AUTS2: variants seen among roughly 807,000 people sequenced by gnomAD.
The protein encoded by AUTS2 is autism susceptibility gene 2 protein.
Under a neutral mutation model 112.4 loss-of-function variants are expected in AUTS2, and 17 were observed. The ratio of observed to expected loss-of-function variants is 0.15; its 90% CI spans 0.10 to 0.23. The LOEUF (loss-of-function observed/expected upper bound fraction) is 0.23, where lower values mean the gene tolerates loss of function less well. Ranked by LOEUF, AUTS2 falls within the 10% of genes least tolerant of loss-of-function variation. The pLI, the probability that AUTS2 is intolerant of heterozygous loss-of-function variation, is 1.00. For missense variants in AUTS2, 1,510 were observed against 1,701.6 expected (o/e 0.89, Z 1.98); for synonymous variants, 751 against 702.7 (o/e 1.07, Z -1.09).
chr7:69,624,428 G>A (rs1022330311), intron 1 of AUTS2, among the ~76,000 whole-genome samples: 1 of 152,120 alleles, frequency 6.6e-6, no homozygotes, highest in Admixed American at 6.5e-5. Flanking sequence ...TTAAAGCCCT[G>A]ATGGTTTTTC....
At chr7:69,957,928 C>T (rs1218966395) in intron 2 of AUTS2, among the ~76,000 whole-genome samples, 1 of 152,160 alleles carries the variant, frequency 6.6e-6, no homozygotes, top group East Asian at 1.9e-4. Flanking sequence ...AGCACCCTTT[C>T]AGCCCTTCAT....
At chr7:70,078,964 A>G (rs1184654915) in intron 2 of AUTS2, among the ~76,000 whole-genome samples, 6 of 152,186 alleles carry the variant, frequency 3.9e-5, no homozygotes, top group Non-Finnish European at 7.4e-5. Flanking sequence ...TCAAGACTAT[A>G]TCTTTGCTTT....
intron 5 of AUTS2, among the ~76,000 whole-genome samples, chr7:70,646,607 T>C (rs760574374): frequency 6.6e-6 from 1 of 152,222 alleles, no homozygotes; most frequent in Non-Finnish European, 1.5e-5. Context: ...GGGATTCTCT[T>C]TTTCTTTATG....
At chr7:70,172,095 G>A (rs58118515) in intron 4 of AUTS2, among the ~76,000 whole-genome samples, 7 of 152,002 alleles carry the variant, frequency 4.6e-5, no homozygotes, top group South Asian at 4.2e-4. Flanking sequence ...TCACTCTGTC[G>A]TTGCTTTTCC....
intron 6 of AUTS2, among the ~76,000 whole-genome samples, chr7:70,705,575 A>G (rs1321047169): frequency 1.3e-5 from 2 of 152,228 alleles, no homozygotes; most frequent in African/African-American, 2.4e-5. Context: ...GAATTCACCA[A>G]GGAGATTCCA....
chr7:70,565,896 G>A (rs997037490), intron 5 of AUTS2, among the ~76,000 whole-genome samples: 10 of 152,268 alleles, frequency 6.6e-5, no homozygotes, highest in African/African-American at 2.4e-4. Context: ...GTTCAAGGTA[G>A]CTTGATACAT....
chr7:70,733,882 T>A (rs1787611808), intron 6 of AUTS2, among the ~76,000 whole-genome samples: 1 of 152,010 alleles, frequency 6.6e-6, no homozygotes, highest in Non-Finnish European at 1.5e-5. Flanking sequence ...CCACCACGCC[T>A]GGCCTCTACA....
At chr7:69,627,206 T>C (rs1013638337) in intron 1 of AUTS2, among the ~76,000 whole-genome samples, 6 of 152,138 alleles carry the variant, frequency 3.9e-5, no homozygotes, top group African/African-American at 1.2e-4. Flanking sequence ...CCAGACACTT[T>C]AGGCGGCCAG....
At chr7:70,003,610 T>C (rs1300659079) in intron 2 of AUTS2, among the ~76,000 whole-genome samples, 1 of 121,998 alleles carries the variant, frequency 8.2e-6, no homozygotes, top group Admixed American at 9.5e-5. Flanking sequence ...TATATATGAA[T>C]GTGTTATATA....
chr7:69,710,015 C>G (rs1798243957), intron 1 of AUTS2, among the ~76,000 whole-genome samples: 1 of 152,172 alleles, frequency 6.6e-6, no homozygotes, highest in Non-Finnish European at 1.5e-5. Flanking sequence ...TGACTTAACA[C>G]AAATGATTCT....
chr7:70,245,059 G>A (rs143583549), intron 4 of AUTS2, among the ~76,000 whole-genome samples: 158 of 147,976 alleles, frequency 1.1e-3, no homozygotes, highest in African/African-American at 3.7e-3. Flanking sequence ...GATGAAGGTT[G>A]CAGTGAGCCA....
chr7:70,071,518 T>G (rs1160035501), intron 2 of AUTS2, among the ~76,000 whole-genome samples: 1 of 152,224 alleles, frequency 6.6e-6, no homozygotes, highest in African/African-American at 2.4e-5. Context: ...AAAGTGCTTA[T>G]CATCGACACA....
chr7:69,704,585 A>G (rs1279221774), intron 1 of AUTS2, among the ~76,000 whole-genome samples: 1 of 152,138 alleles, frequency 6.6e-6, no homozygotes, highest in Non-Finnish European at 1.5e-5. Context: ...ATACCATTAT[A>G]GCCTAATTTT....
chr7:70,067,663 T>C (rs1314398928), intron 2 of AUTS2, among the ~76,000 whole-genome samples: 1 of 152,076 alleles, frequency 6.6e-6, no homozygotes, highest in Non-Finnish European at 1.5e-5. Flanking sequence ...CTGGGCAACA[T>C]AGAGAGATCC....
intron 5 of AUTS2, among the ~76,000 whole-genome samples, chr7:70,483,378 G>T (rs565460935): frequency 6.6e-6 from 1 of 152,350 alleles, no homozygotes; most frequent in South Asian, 2.1e-4. Context: ...AACTAGTCAT[G>T]TTCCTCGGCT....
intron 4 of AUTS2, among the ~76,000 whole-genome samples, chr7:70,426,345 C>A (rs1400346009): frequency 6.6e-6 from 1 of 152,226 alleles, no homozygotes; most frequent in Non-Finnish European, 1.5e-5. Flanking sequence ...GTTTCTCTTA[C>A]TGAGCACATT....
chr7:69,934,187 A>G (rs1390876187), intron 2 of AUTS2, among the ~76,000 whole-genome samples: 1 of 152,148 alleles, frequency 6.6e-6, no homozygotes, highest in Non-Finnish European at 1.5e-5. Context: ...TTTCCACTCT[A>G]TGTTGAAAGG....
rs548288962 is a variant in AUTS2, at chr7:70,791,808, G to A, written c.*812G>A. On this transcript the variant is annotated 3_prime_UTR_variant, in exon 19 of 19. Transcript: ENST00000342771. ...CTGGAACTTAGCATCTGAAGTTGCC[G>A]CTTGTGGGCTCTGGGGGAAAGTGTA... 2.2e-4 allele frequency: 33 copies of A among 152,186 alleles called. 1 individual carries two copies. Among genetic ancestry groups the A allele is most frequent in the African/African-American group, 7.0e-4 (29 of 41,530 alleles). 9.4% of individuals were successfully genotyped at this position (152,186 alleles called of 1,614,324 possible).
intron 2 of AUTS2, among the ~76,000 whole-genome samples, chr7:70,058,465 A>G (rs1387300190): frequency 6.6e-6 from 1 of 152,206 alleles, no homozygotes; most frequent in Non-Finnish European, 1.5e-5. Flanking sequence ...CATTATTTCA[A>G]TTCCAAGAGG....
Sources: allele counts gnomAD v4.1 joint callset (sites outside exome capture counted in the v4.1 genomes callset), GRCh38; gene constraint gnomAD v4.1.1; transcripts MANE v1.5; gene names NCBI Gene and HGNC (gene_info 2026-07-23, HGNC 2026-07-21).